KIFC3: variants seen among roughly 807,000 people sequenced by gnomAD.
KIFC3 encodes the protein kinesin family member C3.
In KIFC3, 60 loss-of-function variants were observed where a neutral mutation model predicts 101.8. That is an observed-to-expected ratio of 0.59 (90% CI 0.48 to 0.73). KIFC3 has a LOEUF of 0.73. KIFC3 is among the 30% of genes least tolerant of loss of function. The pLI is 0.00. For missense variants in KIFC3, 966 were observed against 1,137.1 expected (o/e 0.85, Z 2.16); for synonymous variants, 476 against 482.7 (o/e 0.99, Z 0.18).
chr16:57,760,314 G>A lies in KIFC3; in HGVS notation c.2335C>T (p.Leu779Phe), dbSNP rs1306588126. 6.2e-7 allele frequency: 1 copy of A among 1,613,798 alleles called. No individual in the cohort carries two copies. ...ELGPGLRRAE[L>F]GSWSSQEHLE... The stretch of plus-strand genomic sequence containing the variant: ...TGCTCCTGGCTTGACCAGGACCCAA[G>A]CTCTGCCCTGCGTAGCCCAGGCCCC... The change falls in exon 17 of 20, where the codon CTT (leucine) becomes TTT (phenylalanine). Residue 779 changes from leucine (L) to phenylalanine (F), a missense_variant. This residue lies in a region of KIFC3 where 689 missense variants were observed against 884.6 expected (regional missense o/e 0.78). Transcript: ENST00000445690.
At chr16:57,803,160 G>T, upstream of KIFC3, 2 of 889,092 alleles carry the variant, frequency 2.2e-6, no homozygotes, top group Non-Finnish European at 3.6e-6. Flanking sequence ...GAAGCTGCCT[G>T]GAGTCCCTTA....
At chr16:57,844,734 G>A (rs1050167469) in intron 1 of KIFC3, among the ~76,000 whole-genome samples, 19 of 152,064 alleles carry the variant, frequency 1.2e-4, no homozygotes, top group African/African-American at 4.1e-4. Flanking sequence ...TCTGCAGCCC[G>A]TCTCGCTCTG....
intron 1 of KIFC3, among the ~76,000 whole-genome samples, chr16:57,814,123 G>A (rs544210008): frequency 6.6e-6 from 1 of 152,212 alleles, no homozygotes; most frequent in East Asian, 1.9e-4. Context: ...CCATCTGCCT[G>A]CAGCCGCCCT....
rs146386887 is a variant in KIFC3 at position 57,783,472 on chromosome 16, C to CTTTTTTTT, written c.316-11192_316-11185dup. Among the ~76,000 whole-genome samples, 89 of 82,568 alleles carry CTTTTTTTT rather than the reference C, an allele frequency of 1.1e-3. 1 individual carries two copies. The highest frequency in any genetic ancestry group is 1.4e-3 in the Non-Finnish European group (47 of 33,334). 54.2% of individuals were successfully genotyped at this position (82,568 alleles called of 152,430 possible). ...ATCTCCACAAAGCCCATTTTCTTTT[C>CTTTTTTTT]TTTTTTTTTTTTTTTTTGAGACAGA... On this transcript the variant is annotated intron_variant, in intron 3 of 19. Transcript: ENST00000445690.
chr16:57,768,507 T>TCACACACACACACACACACACA (rs1384372811), intron 9 of KIFC3, among the ~76,000 whole-genome samples: 1 of 12,572 alleles, frequency 8.0e-5, no homozygotes, highest in Non-Finnish European at 2.8e-4. Flanking sequence ...TACCATATAT[T>TCACACACACACACACACACACA]CTCACACACA....
chr16:57,785,023 A>G (rs8058401), intron 3 of KIFC3, among the ~76,000 whole-genome samples: 53,420 of 152,072 alleles, frequency 0.35, 11,915 homozygotes, highest in African/African-American at 0.64. Flanking sequence ...AATCAAAAGA[A>G]CAAGAAACGT....
chr16:57,812,961 C>T (rs2055127687), intron 1 of KIFC3, among the ~76,000 whole-genome samples: 1 of 152,170 alleles, frequency 6.6e-6, no homozygotes. Flanking sequence ...AGGGATCCAT[C>T]ACGAGGGCTA....
chr16:57,835,134 G>A (rs1366862150), intron 1 of KIFC3, among the ~76,000 whole-genome samples: 1 of 152,200 alleles, frequency 6.6e-6, no homozygotes, highest in African/African-American at 2.4e-5. Flanking sequence ...TACAGTCATG[G>A]GAGAGATGCT....
intron 3 of KIFC3, among the ~76,000 whole-genome samples, chr16:57,772,712 A>C (rs2051426095): frequency 6.6e-6 from 1 of 152,086 alleles, no homozygotes; most frequent in Non-Finnish European, 1.5e-5. Context: ...TACATACTCC[A>C]GGTCCTCCGA....
intron 1 of KIFC3, among the ~76,000 whole-genome samples, chr16:57,848,680 G>T (rs752355002): frequency 2.0e-5 from 3 of 152,122 alleles, no homozygotes; most frequent in Non-Finnish European, 4.4e-5. Flanking sequence ...GATTCTGTGT[G>T]CAGACTGCTA....
At chr16:57,842,054 G>A (rs974615053) in intron 1 of KIFC3, among the ~76,000 whole-genome samples, 57 of 152,106 alleles carry the variant, frequency 3.7e-4, no homozygotes, top group African/African-American at 1.4e-3. Flanking sequence ...TCCTTAGCCA[G>A]GCATGGTGAT....
intron 1 of KIFC3, among the ~76,000 whole-genome samples, chr16:57,850,947 C>CTCCT (rs200153757): frequency 0.014 from 714 of 52,440 alleles, no homozygotes; most frequent in Middle Eastern, 0.061. Context: ...CCTTCCCTCC[C>CTCCT]TCCTTCCTTC....
rs564709202 is a variant in KIFC3, at chr16:57,816,030, C to T, written c.109-17748G>A. 1.3e-3 allele frequency among the ~76,000 whole-genome samples: 199 copies of T among 152,360 alleles called. 1 individual carries two copies. The highest frequency in any genetic ancestry group is 4.7e-3 in the African/African-American group (194 of 41,588). On this transcript the variant is annotated intron_variant, in intron 1 of 2. Coordinates refer to the KIFC3 transcript ENST00000563028. ...GTCTTCAGGAGTGCTGTCCCTTTTC[C>T]TCCTGAGGCCTCCTTGGTCCTGATG...
At chr16:57,762,375 C>T (rs782690429) in intron 12 of KIFC3, 105 bp from the exon 13 acceptor site, 5 of 1,266,462 alleles carry the variant, frequency 3.9e-6, no homozygotes, top group Non-Finnish European at 4.2e-6. Flanking sequence ...AGCAAGCCTC[C>T]TTGCCCAAAG....
intron 1 of KIFC3, among the ~76,000 whole-genome samples, chr16:57,853,503 G>A (rs1022866468): frequency 6.6e-6 from 1 of 152,118 alleles, no homozygotes; most frequent in Non-Finnish European, 1.5e-5. Context: ...ACAAAACATA[G>A]AGGGAACAAA....
At chr16:57,819,345 C>A (rs1555629523) in intron 1 of KIFC3, among the ~76,000 whole-genome samples, 3 of 152,086 alleles carry the variant, frequency 2.0e-5, no homozygotes, top group Non-Finnish European at 4.4e-5. Flanking sequence ...TATCATGTGC[C>A]TGTAGTGCTA....
At chr16:57,773,685 C>T (rs2051605104) in intron 3 of KIFC3, 1 of 152,170 alleles carries the variant, frequency 6.6e-6, no homozygotes, top group Non-Finnish European at 1.5e-5. Context: ...TAGAGTCCGC[C>T]CCCTTAGCAC....
intron 1 of KIFC3, chr16:57,816,200 C>T (rs2055219952): frequency 7.8e-7 from 1 of 1,280,812 alleles, no homozygotes; most frequent in Admixed American, 2.4e-5. Context: ...ATCAAGTTCT[C>T]ACAACATCCC....
At chr16:57,764,508 A>G (rs1555600947) in intron 11 of KIFC3, 1 of 472,256 alleles carries the variant, frequency 2.1e-6, no homozygotes, top group African/African-American at 2.0e-5. Context: ...CTCTCTCTCA[A>G]AGAGTGCTCA....
Sources: allele counts gnomAD v4.1 joint callset (sites outside exome capture counted in the v4.1 genomes callset), GRCh38; gene constraint gnomAD v4.1.1; regional missense constraint gnomAD v4.1.1; transcripts MANE v1.5; gene names NCBI Gene and HGNC (gene_info 2026-07-23, HGNC 2026-07-21).